The following MEMO1 variants were observed in gnomAD, a reference collection of about 807,000 sequenced individuals.
The protein encoded by MEMO1 is protein MEMO1.
Under a neutral mutation model 45.2 loss-of-function variants are expected in MEMO1, and 6 were observed. The ratio of observed to expected loss-of-function variants is 0.13; its 90% CI spans 0.07 to 0.26. MEMO1 has a LOEUF of 0.26. Among genes scored for constraint, MEMO1 ranks in the 10% least tolerant of loss-of-function variants. MEMO1 has a pLI of 1.00. For missense variants in MEMO1, 184 were observed against 370.5 expected (o/e 0.50, Z 4.13); for synonymous variants, 78 against 124.3 (o/e 0.63, Z 2.48).
intron 2 of MEMO1, among the ~76,000 whole-genome samples, chr2:31,994,356 G>A (rs1436008795): frequency 5.3e-5 from 8 of 151,698 alleles, no homozygotes; most frequent in South Asian, 4.2e-4. Flanking sequence ...GAGGTCGGGC[G>A]TGGTGGCTCA....
At chr2:31,974,531 G>T (rs1395637979) in intron 2 of MEMO1, among the ~76,000 whole-genome samples, 2 of 152,134 alleles carry the variant, frequency 1.3e-5, no homozygotes, top group Non-Finnish European at 2.9e-5. Flanking sequence ...TGGATCACGA[G>T]GTCAACAGAT....
intron 6 of MEMO1, among the ~76,000 whole-genome samples, chr2:31,913,116 T>G (rs1325579347): frequency 1.3e-5 from 2 of 151,732 alleles, no homozygotes; most frequent in Non-Finnish European, 1.5e-5. Context: ...AATACAAAAA[T>G]TAGCTGGGCA....
rs66840564 is a variant in MEMO1, at chr2:32,002,186, T to TACACACAC, written c.61+7993_61+8000dup. Among the ~76,000 whole-genome samples, 229 of 116,028 alleles carry TACACACAC rather than the reference T, an allele frequency of 2.0e-3. 3 individuals carry two copies. The highest frequency in any genetic ancestry group is 0.011 in the South Asian group (39 of 3,704). 76.1% of individuals were successfully genotyped at this position (116,028 alleles called of 152,430 possible). On this transcript the variant is annotated intron_variant, in intron 2 of 9. Transcript: ENST00000404530. ...AAAAAAAAATATATATATATATATA[T>TACACACAC]ACACACACACACACACATGTATATA...
chr2:31,880,481 T>C (rs1010254475), intron 8 of MEMO1, among the ~76,000 whole-genome samples: 12 of 152,222 alleles, frequency 7.9e-5, no homozygotes, highest in Admixed American at 1.3e-4. Context: ...TACTACATGA[T>C]ATATTCTATT....
intron 4 of MEMO1, among the ~76,000 whole-genome samples, chr2:31,921,627 T>C (rs1157965457): frequency 1.3e-5 from 2 of 152,158 alleles, no homozygotes; most frequent in Non-Finnish European, 2.9e-5. Flanking sequence ...CATTCTAAAA[T>C]AACCTTCTAA....
At chr2:31,957,737 C>A (rs937961426) in intron 2 of MEMO1, among the ~76,000 whole-genome samples, 1 of 152,224 alleles carries the variant, frequency 6.6e-6, no homozygotes, top group Non-Finnish European at 1.5e-5. Context: ...ACAAAATTAA[C>A]AGTTACAACA....
In MEMO1 at chr2:31,955,309, C is replaced by T. The variant is rs575783191; in HGVS notation, c.62-11926G>A. Among the ~76,000 whole-genome samples, 4 of 152,212 alleles carry T rather than the reference C, an allele frequency of 2.6e-5. No homozygotes were observed. In the East Asian group the frequency reaches 7.7e-4, roughly 29 times the overall value. ...CTAACAGACTCCTGGAAGGTTTATACCTGAGATTTTTCAGTGTAATTGAGA... is the reference window on the plus strand; with the variant it reads ...CTAACAGACTCCTGGAAGGTTTATATCTGAGATTTTTCAGTGTAATTGAGA... On this transcript the variant is annotated intron_variant, in intron 2 of 9. Transcript: ENST00000404530.
intron 2 of MEMO1, among the ~76,000 whole-genome samples, chr2:31,954,712 T>C (rs966957520): frequency 6.6e-6 from 1 of 151,942 alleles, no homozygotes; most frequent in Non-Finnish European, 1.5e-5. Context: ...TGCATACTTG[T>C]AATCTCAACT....
At chr2:31,879,210 C>A (rs1488504602) in intron 8 of MEMO1, among the ~76,000 whole-genome samples, 1 of 152,188 alleles carries the variant, frequency 6.6e-6, no homozygotes, top group Admixed American at 6.5e-5. Context: ...ACTGAAACTG[C>A]TCTTGCAAGG....
chr2:32,010,498 T>C lies in MEMO1; in HGVS notation c.-17-234A>G, dbSNP rs566917124. On this transcript the variant is annotated intron_variant, in intron 1 of 9. Transcript: ENST00000404530. ...ACAAACTCCGGCGACCGCCGGAAGATGGGGCCCACGGCGGCCTCACCGAAG... is the reference window on the plus strand; with the variant it reads ...ACAAACTCCGGCGACCGCCGGAAGACGGGGCCCACGGCGGCCTCACCGAAG... 11 of 325,330 alleles carry C rather than the reference T, an allele frequency of 3.4e-5. No homozygotes were observed. In the East Asian group the frequency reaches 7.4e-4, roughly 22 times the overall value. 20.2% of individuals were successfully genotyped at this position (325,330 alleles called of 1,614,324 possible). A position where few individuals can be genotyped will look rare whatever the true frequency, so the allele number is the denominator to read the frequency against.
At chr2:31,893,278 C>T in intron 6 of MEMO1, 1 of 1,120,540 alleles carries the variant, frequency 8.9e-7, no homozygotes, top group Non-Finnish European at 1.2e-6. Flanking sequence ...ATACAGATCT[C>T]CAGTCCCTCT....
At chr2:32,006,283 T>A (rs1674054800) in intron 2 of MEMO1, among the ~76,000 whole-genome samples, 1 of 152,134 alleles carries the variant, frequency 6.6e-6, no homozygotes, top group Non-Finnish European at 1.5e-5. Flanking sequence ...CAGAAGGAAG[T>A]CCAATTCGGA....
At chr2:31,878,293 T>A (rs1423990573) in intron 8 of MEMO1, among the ~76,000 whole-genome samples, 1 of 152,166 alleles carries the variant, frequency 6.6e-6, no homozygotes, top group African/African-American at 2.4e-5. Context: ...GTCCTTTTTG[T>A]CTACCCACTG....
Position 31,883,378 on chromosome 2 carries a change from A to C in MEMO1, c.657+8T>G. ...AGAGCATTAAAATCCCACACCTGAA[A>C]GACTTACCATTTTATCTAGATGTTC... On this transcript the variant is annotated splice_region_variant and intron_variant, in intron 8 of 9. Coordinates refer to ENST00000404530, the MANE Select transcript of MEMO1 (RefSeq NM_001301833.4). 3 of 1,564,244 alleles carry C rather than the reference A, an allele frequency of 1.9e-6. No individual in the cohort carries two copies. Among genetic ancestry groups the C allele is most frequent in the Non-Finnish European group, 2.6e-6 (3 of 1,153,820 alleles).
At chr2:31,940,766 C>T (rs1490867607) in intron 3 of MEMO1, among the ~76,000 whole-genome samples, 1 of 152,190 alleles carries the variant, frequency 6.6e-6, no homozygotes, top group Non-Finnish European at 1.5e-5. Flanking sequence ...CTCCTGGCCT[C>T]AAGCAATCCT....
chr2:31,892,898 A>G (rs1677178694), intron 6 of MEMO1, among the ~76,000 whole-genome samples: 2 of 152,190 alleles, frequency 1.3e-5, no homozygotes, highest in Admixed American at 1.3e-4. Context: ...ATGATGAGCT[A>G]TAGAAACAGA....
intron 8 of MEMO1, among the ~76,000 whole-genome samples, chr2:31,881,495 TAAAAAAAA>T (rs34058748): frequency 2.6e-4 from 18 of 68,450 alleles, no homozygotes; most frequent in East Asian, 2.2e-3. Flanking sequence ...AGCCTGTCTT[TAAAAAAAA>T]AAAAAAAAAA....
intron 2 of MEMO1, among the ~76,000 whole-genome samples, chr2:32,002,199 A>G (rs1029227091): frequency 6.9e-6 from 1 of 144,844 alleles, no homozygotes; most frequent in African/African-American, 2.5e-5. Context: ...ACACACACAC[A>G]CACATGTATA....
At chr2:31,925,560 T>C (rs888692694) in intron 4 of MEMO1, among the ~76,000 whole-genome samples, 1 of 151,560 alleles carries the variant, frequency 6.6e-6, no homozygotes, top group Non-Finnish European at 1.5e-5. Flanking sequence ...GTCACCCTCT[T>C]AAGGTCTACC....
Sources: allele counts gnomAD v4.1 joint callset (sites outside exome capture counted in the v4.1 genomes callset), GRCh38; gene constraint gnomAD v4.1.1; transcripts MANE v1.5; gene names NCBI Gene and HGNC (gene_info 2026-07-23, HGNC 2026-07-21).